ERC2: variants seen among roughly 807,000 people sequenced by gnomAD.
ERC2 encodes the protein ELKS/RAB6-interacting/CAST family member 2, also known as ERC protein 2.
ERC2 carries 42 observed loss-of-function variants against 114.8 expected under a neutral mutation model. That is an observed-to-expected ratio of 0.37 (90% CI 0.29 to 0.47). The LOEUF (loss-of-function observed/expected upper bound fraction) is 0.47, where lower values mean the gene tolerates loss of function less well. ERC2 is among the 20% of genes least tolerant of loss of function. The pLI is 0.99. For synonymous variants in ERC2, 454 were observed against 425.5 expected (o/e 1.07, Z -0.82); for missense variants, 939 against 1,150.7 (o/e 0.82, Z 2.66).
chr3:55,901,054 C>T (rs1260519285), intron 13 of ERC2, among the ~76,000 whole-genome samples: 2 of 152,108 alleles, frequency 1.3e-5, no homozygotes, highest in Non-Finnish European at 2.9e-5. Flanking sequence ...AACCCAGGAC[C>T]ACAAGACCCT....
intron 13 of ERC2, among the ~76,000 whole-genome samples, chr3:55,921,623 G>A (rs1576204526): frequency 6.6e-6 from 1 of 152,022 alleles, no homozygotes; most frequent in African/African-American, 2.4e-5. Context: ...GTTGGAAAAT[G>A]CAAATTATTT....
chr3:55,645,440 T>C (rs1166353588), intron 17 of ERC2, among the ~76,000 whole-genome samples: 1 of 152,260 alleles, frequency 6.6e-6, no homozygotes, highest in Non-Finnish European at 1.5e-5. Flanking sequence ...TGGGCTGTCA[T>C]CATGCTTATT....
At chr3:55,525,876 G>C (rs2053280036) in intron 17 of ERC2, among the ~76,000 whole-genome samples, 1 of 152,204 alleles carries the variant, frequency 6.6e-6, no homozygotes, top group South Asian at 2.1e-4. Flanking sequence ...AATTCCTTGG[G>C]TGGTGTCAGT....
chr3:55,646,488 T>C (rs990331300), intron 17 of ERC2, among the ~76,000 whole-genome samples: 4 of 152,250 alleles, frequency 2.6e-5, no homozygotes, highest in Non-Finnish European at 4.4e-5. Flanking sequence ...GGAATTTAGA[T>C]GAATGATTGT....
intron 17 of ERC2, among the ~76,000 whole-genome samples, chr3:55,670,281 G>C (rs1472485198): frequency 6.6e-6 from 1 of 152,142 alleles, no homozygotes; most frequent in African/African-American, 2.4e-5. Context: ...CATGAAAAAA[G>C]GGAAGAACAA....
At chr3:56,071,002 C>T (rs2076711300) in intron 7 of ERC2, among the ~76,000 whole-genome samples, 1 of 152,148 alleles carries the variant, frequency 6.6e-6, no homozygotes, top group Admixed American at 6.5e-5. Context: ...GGTGAGGTGC[C>T]CCTCCTATGT....
At chr3:56,212,173 C>A (rs563691647) in intron 3 of ERC2, among the ~76,000 whole-genome samples, 10 of 152,072 alleles carry the variant, frequency 6.6e-5, no homozygotes, top group African/African-American at 2.4e-4. Flanking sequence ...AGAGAACTGA[C>A]AGAGTAGGAG....
At chr3:55,746,203 A>G (rs2066289089) in intron 14 of ERC2, among the ~76,000 whole-genome samples, 1 of 152,164 alleles carries the variant, frequency 6.6e-6, no homozygotes. Flanking sequence ...TGTTAGCGCA[A>G]CATTCAAATA....
intron 17 of ERC2, among the ~76,000 whole-genome samples, chr3:55,524,084 C>T (rs1278898557): frequency 1.3e-5 from 2 of 152,160 alleles, no homozygotes; most frequent in East Asian, 3.8e-4. Flanking sequence ...TGGTTGAGAA[C>T]ATAAAACAAA....
chr3:56,252,869 C>A (rs972468172), intron 3 of ERC2, among the ~76,000 whole-genome samples: 1 of 151,104 alleles, frequency 6.6e-6, no homozygotes, highest in African/African-American at 2.4e-5. Flanking sequence ...TTATTACAAA[C>A]TATCCTGAAA....
At chr3:56,360,264 G>T (rs2058902405) in intron 2 of ERC2, among the ~76,000 whole-genome samples, 1 of 151,644 alleles carries the variant, frequency 6.6e-6, no homozygotes, top group Non-Finnish European at 1.5e-5. Context: ...TTGATCTCCT[G>T]ACCTTGTGAT....
intron 13 of ERC2, among the ~76,000 whole-genome samples, chr3:55,923,425 C>T (rs2065552615): frequency 6.6e-6 from 1 of 151,926 alleles, no homozygotes; most frequent in African/African-American, 2.4e-5. Flanking sequence ...TATAGAGTTT[C>T]AGTTCTGGGA....
chr3:56,050,262 T>C (rs913030242), intron 7 of ERC2, among the ~76,000 whole-genome samples: 1 of 152,170 alleles, frequency 6.6e-6, no homozygotes, highest in Admixed American at 6.5e-5. Flanking sequence ...GTTTAAAGAT[T>C]GTACCACTAA....
At chr3:56,120,296 T>A (rs1450564020) in intron 6 of ERC2, among the ~76,000 whole-genome samples, 2 of 152,184 alleles carry the variant, frequency 1.3e-5, no homozygotes, top group Non-Finnish European at 2.9e-5. Flanking sequence ...CCAGTTTCTC[T>A]GATTTATGAA....
intron 12 of ERC2, among the ~76,000 whole-genome samples, chr3:55,974,155 A>T (rs944428438): frequency 6.6e-6 from 1 of 152,204 alleles, no homozygotes; most frequent in Non-Finnish European, 1.5e-5. Flanking sequence ...GGAAAAAAAT[A>T]AAAAACACCT....
At chr3:55,894,791 T>C (rs1040551772) in intron 13 of ERC2, among the ~76,000 whole-genome samples, 34 of 152,136 alleles carry the variant, frequency 2.2e-4, no homozygotes, top group African/African-American at 7.5e-4. Flanking sequence ...TGACATAACT[T>C]AGCTCAAAGG....
intron 7 of ERC2, among the ~76,000 whole-genome samples, chr3:56,077,435 G>C (rs150459811): frequency 0.021 from 3,222 of 152,288 alleles, 58 homozygotes; most frequent in Middle Eastern, 0.031. Flanking sequence ...GCCGAAAGGA[G>C]CCATAATATA....
At chr3:56,114,175 C>T (rs574898259) in intron 6 of ERC2, among the ~76,000 whole-genome samples, 10 of 152,172 alleles carry the variant, frequency 6.6e-5, no homozygotes, top group Non-Finnish European at 1.3e-4. Flanking sequence ...CAAACATGCA[C>T]GTTACATACA....
intron 17 of ERC2, among the ~76,000 whole-genome samples, chr3:55,671,597 T>G (rs1029870599): frequency 6.6e-6 from 1 of 152,150 alleles, no homozygotes; most frequent in East Asian, 1.9e-4. Context: ...CCCATTAAGC[T>G]CCACATAAGT....
Sources: allele counts gnomAD v4.1 joint callset (sites outside exome capture counted in the v4.1 genomes callset), GRCh38; gene constraint gnomAD v4.1.1; transcripts MANE v1.5; gene names NCBI Gene and HGNC (gene_info 2026-07-23, HGNC 2026-07-21).